The following CRB1 variants were observed in gnomAD, a reference collection of about 807,000 sequenced individuals.
The protein encoded by CRB1 is protein crumbs homolog 1.
CRB1 carries 83 observed loss-of-function variants against 120.0 expected under a neutral mutation model. That is an observed-to-expected ratio of 0.69 (90% CI 0.58 to 0.83). The LOEUF (loss-of-function observed/expected upper bound fraction) is 0.83, where lower values mean the gene tolerates loss of function less well. Among genes scored for constraint, CRB1 ranks in the 40% least tolerant of loss-of-function variants. The pLI is 0.00. For synonymous variants in CRB1, 625 were observed against 612.5 expected, an observed-to-expected ratio of 1.02 and a Z score of -0.30; for missense variants, 1,699 against 1,687.6, an observed-to-expected ratio of 1.01 and a Z score of -0.12.
chr1:197,257,131 A>AC, the CRB1 span, among the ~76,000 whole-genome samples: 4 of 151,948 alleles, frequency 2.6e-5, no homozygotes, highest in Non-Finnish European at 5.9e-5. Context: ...AGGCCTGAAA[A>AC]CTGGGGGGTG....
At chr1:197,449,287 C>G (rs1011091062) in intron 11 of CRB1, among the ~76,000 whole-genome samples, 1 of 152,016 alleles carries the variant, frequency 6.6e-6, no homozygotes, top group Non-Finnish European at 1.5e-5. Flanking sequence ...TGGATTGCAT[C>G]CTGGTCATTG....
chr1:197,296,897 G>C (rs953100048), intron 1 of CRB1, among the ~76,000 whole-genome samples: 2 of 151,880 alleles, frequency 1.3e-5, no homozygotes, highest in Non-Finnish European at 1.5e-5. Flanking sequence ...TGATTGTGAG[G>C]CCTCCCCAGG....
At chr1:197,225,548 A>G in the CRB1 span, among the ~76,000 whole-genome samples, 1 of 152,238 alleles carries the variant, frequency 6.6e-6, no homozygotes, top group Non-Finnish European at 1.5e-5. Flanking sequence ...TAATGGCCAC[A>G]TAAATGAATG....
intron 11 of CRB1, among the ~76,000 whole-genome samples, chr1:197,462,108 T>C (rs1425071861): frequency 6.6e-6 from 1 of 152,194 alleles, no homozygotes; most frequent in Non-Finnish European, 1.5e-5. Flanking sequence ...CCACATTTTA[T>C]ACACATGTAA....
chr1:197,299,828 C>T (rs559662564), intron 1 of CRB1, among the ~76,000 whole-genome samples: 12 of 150,316 alleles, frequency 8.0e-5, no homozygotes, highest in African/African-American at 3.0e-4. Context: ...ACAGATACTG[C>T]ATTTTTTTTC....
At chr1:197,213,228 A>G in the CRB1 span, among the ~76,000 whole-genome samples, 1 of 152,206 alleles carries the variant, frequency 6.6e-6, no homozygotes, top group Non-Finnish European at 1.5e-5. Context: ...CAACTCTCCT[A>G]CTGAGAATGA....
rs1447779537 is a variant in CRB1, at chr1:197,421,767, A to G, written c.1939A>G (p.Lys647Glu). Residue 647 changes from lysine to glutamate, a missense_variant, in exon 6 of 12, where the codon AAA becomes GAA. Coordinates refer to ENST00000367400, the MANE Select transcript of CRB1 (RefSeq NM_201253.3). ...PSFVGCLQDI[K>E]IDWNHITLEN... is the part of the protein sequence containing the mutation. ...GTTTGTAGGCTGTCTCCAAGACATTAAAATTGATTGGAATCACATTACCCT... is the reference window on the plus strand; with the variant it reads ...GTTTGTAGGCTGTCTCCAAGACATTGAAATTGATTGGAATCACATTACCCT... 1.2e-6 allele frequency: 2 copies of G among 1,614,068 alleles called. No individual in the cohort carries two copies. Among genetic ancestry groups the G allele is most frequent in the Non-Finnish European group, 1.7e-6 (2 of 1,180,010 alleles).
chr1:197,390,435 G>A (rs1662440449), intron 5 of CRB1, among the ~76,000 whole-genome samples: 2 of 152,012 alleles, frequency 1.3e-5, no homozygotes, highest in South Asian at 2.1e-4. Flanking sequence ...CTCTGAGCAA[G>A]CCAAGAAAGC....
chr1:197,268,287 G>C lies in CRB1; in HGVS notation c.-126G>C. On this transcript the variant is annotated 5_prime_UTR_variant, in exon 1 of 12. Transcript: ENST00000367400. Reference sequence around the variant, plus strand: ...TTTTCTGTGAAGGAGCTGTAAGTAGGGTGGGACAGAGATGGCACCTGGGGG... The same window carrying C: ...TTTTCTGTGAAGGAGCTGTAAGTAGCGTGGGACAGAGATGGCACCTGGGGG... 1 of 766,326 alleles carries C rather than the reference G, an allele frequency of 1.3e-6. No individual in the cohort carries two copies. The highest frequency in any genetic ancestry group is 2.4e-6 in the Non-Finnish European group (1 of 412,844). 47.5% of individuals were successfully genotyped at this position (766,326 alleles called of 1,614,324 possible).
chr1:197,335,251 CAT>C (rs772936400), intron 2 of CRB1, among the ~76,000 whole-genome samples: 1 of 152,132 alleles, frequency 6.6e-6, no homozygotes, highest in Non-Finnish European at 1.5e-5. Flanking sequence ...CCTTGTAGGC[CAT>C]TGTAAGGACT....
chr1:197,234,533 G>A, the CRB1 span, among the ~76,000 whole-genome samples: 1 of 152,216 alleles, frequency 6.6e-6, no homozygotes, highest in Non-Finnish European at 1.5e-5. Flanking sequence ...ATTTTTAGTT[G>A]CCAAGAGTTG....
intron 4 of CRB1, among the ~76,000 whole-genome samples, chr1:197,354,530 AC>A (rs914865715): frequency 5.3e-5 from 8 of 151,922 alleles, no homozygotes; most frequent in African/African-American, 1.9e-4. Flanking sequence ...GAAGCCGCAG[AC>A]CTTTGCAGTG....
chr1:197,286,055 C>T (rs576364151), intron 1 of CRB1, among the ~76,000 whole-genome samples: 23 of 151,814 alleles, frequency 1.5e-4, no homozygotes, highest in African/African-American at 5.5e-4. Flanking sequence ...CATTGTAGCT[C>T]AGTACTATTC....
chr1:197,377,998 G>C (rs143543511), intron 5 of CRB1, among the ~76,000 whole-genome samples: 2 of 152,306 alleles, frequency 1.3e-5, no homozygotes, highest in East Asian at 3.9e-4. Flanking sequence ...TATGGCAAAA[G>C]TAATTTTGTC....
At chr1:197,431,074 AT>A (rs1425498728) in intron 8 of CRB1, among the ~76,000 whole-genome samples, 5 of 151,906 alleles carry the variant, frequency 3.3e-5, no homozygotes, top group South Asian at 2.1e-4. Context: ...TCAAAAAAAA[AT>A]AAAAATAAAA....
chr1:197,348,379 CTA>C (rs1293531373), intron 4 of CRB1, among the ~76,000 whole-genome samples: 1 of 152,124 alleles, frequency 6.6e-6, no homozygotes, highest in Non-Finnish European at 1.5e-5. Flanking sequence ...TAGGCCTAGA[CTA>C]TGGTGTGTGC....
chr1:197,289,934 A>G (rs1021519017), intron 1 of CRB1, among the ~76,000 whole-genome samples: 4 of 151,578 alleles, frequency 2.6e-5, no homozygotes, highest in Admixed American at 6.6e-5. Context: ...AGATGATTAT[A>G]TATCTGTAGC....
chr1:197,312,171 G>T (rs950825780), intron 1 of CRB1, among the ~76,000 whole-genome samples: 2 of 152,166 alleles, frequency 1.3e-5, no homozygotes, highest in African/African-American at 4.8e-5. Flanking sequence ...ACCTTAGCAA[G>T]GAAAGATAAC....
At chr1:197,266,675 A>G (rs555972688), upstream of CRB1, among the ~76,000 whole-genome samples, 3 of 152,166 alleles carry the variant, frequency 2.0e-5, no homozygotes, top group East Asian at 1.9e-4. Flanking sequence ...TATAATTCCT[A>G]TAACCATCCT....
Sources: gnomAD v4.1 joint callset for allele counts (sites outside exome capture counted in the v4.1 genomes callset) on GRCh38, gnomAD v4.1.1 for gene constraint, MANE v1.5 for transcripts, NCBI Gene and HGNC (gene_info 2026-07-23, HGNC 2026-07-21) for gene names.